Variants in P3H2 observed in about 807,000 individuals in gnomAD.
P3H2 encodes leprecan-like 1.
A neutral mutation model predicts 87.0 loss-of-function variants in P3H2; 80 were observed. The observed-to-expected ratio is 0.92, with a 90% CI of 0.77 to 1.11. P3H2 has a LOEUF of 1.11. P3H2 is among the 50% of genes least tolerant of loss of function. P3H2 has a pLI of 0.00. For missense variants in P3H2, 1,001 were observed against 923.9 expected, an observed-to-expected ratio of 1.08 and a Z score of -1.08; for synonymous variants, 367 against 359.3, an observed-to-expected ratio of 1.02 and a Z score of -0.24.
intron 1 of P3H2, among the ~76,000 whole-genome samples, chr3:190,099,525 G>A (rs1448488519): frequency 6.6e-6 from 1 of 152,182 alleles, no homozygotes; most frequent in East Asian, 1.9e-4. Context: ...CACATAGCAA[G>A]AAAGATTCTG....
intron 1 of P3H2, among the ~76,000 whole-genome samples, chr3:190,114,974 A>G (rs1013087818): frequency 1.3e-5 from 2 of 152,222 alleles, no homozygotes; most frequent in African/African-American, 4.8e-5. Context: ...TTTCATTTTA[A>G]GGCATGCATT....
chr3:189,963,440 G>GT, intron 14 of P3H2: 1 of 156,302 alleles, frequency 6.4e-6, no homozygotes, highest in South Asian at 1.9e-4. Flanking sequence ...CCACAGAGTT[G>GT]TTTTGGTTTT....
At chr3:190,025,030 C>A (rs1725045384) in intron 1 of P3H2, among the ~76,000 whole-genome samples, 1 of 152,140 alleles carries the variant, frequency 6.6e-6, no homozygotes, top group South Asian at 2.1e-4. Flanking sequence ...AGGAACTATA[C>A]AAGTGGCACT....
chr3:189,987,011 G>A (rs1029656619), intron 5 of P3H2, 134 bp from the exon 6 acceptor site: 61 of 677,038 alleles, frequency 9.0e-5, no homozygotes, highest in Non-Finnish European at 1.6e-4. Flanking sequence ...GCAAGACTTG[G>A]CCCCATCTCA....
At chr3:190,044,845 G>A (rs1250727680) in intron 1 of P3H2, among the ~76,000 whole-genome samples, 1 of 152,186 alleles carries the variant, frequency 6.6e-6, no homozygotes, top group Non-Finnish European at 1.5e-5. Context: ...AAGGGTCTCT[G>A]TTCTCAATAA....
At chr3:190,096,401 T>C (rs1371995795) in intron 1 of P3H2, among the ~76,000 whole-genome samples, 2 of 152,154 alleles carry the variant, frequency 1.3e-5, no homozygotes, top group Non-Finnish European at 2.9e-5. Context: ...TCACTTTCTC[T>C]CTCCTGCTTT....
chr3:190,072,111 T>C (rs991812918), intron 1 of P3H2, among the ~76,000 whole-genome samples: 1 of 151,866 alleles, frequency 6.6e-6, no homozygotes, highest in Non-Finnish European at 1.5e-5. Flanking sequence ...TAGCTGGGAT[T>C]ACAGGCATGA....
At chr3:190,096,824 C>T (rs1727604159) in intron 1 of P3H2, among the ~76,000 whole-genome samples, 4 of 152,204 alleles carry the variant, frequency 2.6e-5, no homozygotes, top group Admixed American at 2.6e-4. Context: ...TTGGAAATAC[C>T]ACCTATCAGA....
At chr3:190,031,810 C>T (rs1013745714) in intron 1 of P3H2, among the ~76,000 whole-genome samples, 3 of 139,676 alleles carry the variant, frequency 2.1e-5, no homozygotes, top group Admixed American at 7.3e-5. Flanking sequence ...ATACATATTT[C>T]AAATGACTCA....
At chr3:190,039,105 C>A (rs1725517117) in intron 1 of P3H2, among the ~76,000 whole-genome samples, 1 of 151,734 alleles carries the variant, frequency 6.6e-6, no homozygotes, top group Non-Finnish European at 1.5e-5. Flanking sequence ...AGGAGAATTG[C>A]TTGAACCCAG....
At chr3:190,083,336 C>T (rs746330400) in intron 1 of P3H2, among the ~76,000 whole-genome samples, 15 of 152,086 alleles carry the variant, frequency 9.9e-5, no homozygotes, top group Middle Eastern at 3.2e-3. Flanking sequence ...GTGCCTTATC[C>T]ACATCAAAGA....
intron 1 of P3H2, among the ~76,000 whole-genome samples, chr3:190,023,468 C>T (rs541906301): frequency 6.6e-6 from 1 of 152,278 alleles, no homozygotes; most frequent in South Asian, 2.1e-4. Context: ...AATGAACCTT[C>T]TTTACGAGGC....
chr3:190,038,190 T>A (rs556636242), intron 1 of P3H2, among the ~76,000 whole-genome samples: 1 of 149,402 alleles, frequency 6.7e-6, no homozygotes, highest in Non-Finnish European at 1.5e-5. Flanking sequence ...GAGCCGAGAT[T>A]GCGCCACTGC....
At chr3:190,004,812 A>G (rs1372738420) in intron 1 of P3H2, among the ~76,000 whole-genome samples, 5 of 152,166 alleles carry the variant, frequency 3.3e-5, no homozygotes. Flanking sequence ...TTTCATTATA[A>G]TAAAGGGGGA....
At position 190,120,326 on chromosome 3, in the gene P3H2, G is replaced by A. The variant is rs1447798311; in HGVS notation, c.406C>T (p.Arg136Cys). ...QRLGGPASRH[R>C]VSEDVRSDFQ... ...TCGCTGCGCACATCCTCGCTGACGC[G>A]GTGGCGGGATGCGGGGCCCCCGAGG... Residue 136 changes from arginine (R) to cysteine (C), a missense_variant, in exon 1 of 15, where the codon CGC becomes TGC. Transcript: ENST00000319332. 3 of 1,602,356 alleles carry A rather than the reference G, an allele frequency of 1.9e-6. No homozygotes were observed. The highest frequency in any genetic ancestry group is 1.7e-5 in the Admixed American group (1 of 58,592).
chr3:190,108,668 G>T (rs1228259259), intron 1 of P3H2, among the ~76,000 whole-genome samples: 1 of 151,808 alleles, frequency 6.6e-6, no homozygotes, highest in Admixed American at 6.6e-5. Flanking sequence ...TTTTTCAATG[G>T]ACTGTGACTT....
chr3:190,057,956 T>C (rs1471635006), intron 1 of P3H2, among the ~76,000 whole-genome samples: 2 of 151,866 alleles, frequency 1.3e-5, no homozygotes, highest in African/African-American at 2.4e-5. Flanking sequence ...TACTCATTAA[T>C]GAGAAAAAAA....
At chr3:189,971,593 C>T (rs1295744696) in intron 12 of P3H2, 2 of 381,620 alleles carry the variant, frequency 5.2e-6, no homozygotes, top group Non-Finnish European at 5.0e-6. Flanking sequence ...ACATATACCA[C>T]AAGGAATATG....
At chr3:190,041,211 G>A (rs1046435345) in intron 1 of P3H2, among the ~76,000 whole-genome samples, 2 of 143,690 alleles carry the variant, frequency 1.4e-5, no homozygotes, top group Admixed American at 1.4e-4. Flanking sequence ...GGTTAAGGCT[G>A]CAGTAAGCCA....
Sources: gnomAD v4.1 joint callset for allele counts (sites outside exome capture counted in the v4.1 genomes callset) on GRCh38, gnomAD v4.1.1 for gene constraint, MANE v1.5 for transcripts, NCBI Gene and HGNC (gene_info 2026-07-23, HGNC 2026-07-21) for gene names.